The following ZNF311 variants were observed in gnomAD, a reference collection of about 807,000 sequenced individuals.
The protein encoded by ZNF311 is zinc finger protein zfp31.
In ZNF311, 14 loss-of-function variants were observed where a neutral mutation model predicts 22.7. The observed-to-expected ratio is 0.62, with a 90% CI of 0.41 to 0.96. The LOEUF is 0.96. ZNF311 is among the 40% of genes least tolerant of loss of function. The pLI, the probability that ZNF311 is intolerant of heterozygous loss-of-function variation, is 0.00. For missense variants in ZNF311, 731 were observed against 799.0 expected (o/e 0.91, Z 1.03); for synonymous variants, 250 against 275.3 (o/e 0.91, Z 0.91).
chr6:29,004,317 CA>C, intron 1 of ZNF311, 103 bp from the exon 2 acceptor site: 1 of 751,574 alleles, frequency 1.3e-6, no homozygotes, highest in Non-Finnish European at 1.8e-6. Context: ...TGAACATATC[CA>C]GAATACAATC....
At chr6:28,996,921 T>C (rs1779686063) in intron 6 of ZNF311, among the ~76,000 whole-genome samples, 1 of 152,224 alleles carries the variant, frequency 6.6e-6, no homozygotes, top group Admixed American at 6.5e-5. Flanking sequence ...TTACAAATTC[T>C]ACCTGTGAAG....
intron 5 of ZNF311, 94 bp from the exon 6 acceptor site, chr6:28,998,932 A>C: frequency 2.6e-6 from 2 of 765,630 alleles, no homozygotes; most frequent in Non-Finnish European, 4.1e-6. Flanking sequence ...TTTGTATATG[A>C]AAACAGGAAA....
chr6:28,999,651 C>T (rs1554212453), intron 4 of ZNF311, 38 bp from the exon 5 acceptor site: 3 of 1,594,882 alleles, frequency 1.9e-6, no homozygotes, highest in Admixed American at 1.8e-5. Context: ...GAGAAAACGC[C>T]ATAGTTTCCT....
chr6:28,994,978 A>G lies in ZNF311; in HGVS notation c.*23T>C. On this transcript the variant is annotated 3_prime_UTR_variant, in exon 7 of 7. Coordinates refer to ENST00000377179, the MANE Select transcript of ZNF311 (RefSeq NM_001382360.1). ...CAGCCTAAGAGGTAGGAAAAACAGA[A>G]AGTAACACCAGAATCGTTATACTCA... 6.4e-7 allele frequency: 1 copy of G among 1,557,716 alleles called. No individual in the cohort carries two copies. The highest frequency in any genetic ancestry group is 1.2e-5 in the South Asian group (1 of 81,786).
Position 28,995,630 on chromosome 6 carries a change from G to C in ZNF311, c.1372C>G (p.Leu458Val). The change falls in exon 7 of 7, where the codon CTC becomes GTC. Residue 458 changes from leucine to valine, a missense_variant. Leu to Val is a conservative substitution (Grantham distance 32). Coordinates refer to ENST00000377179, the MANE Select transcript of ZNF311 (RefSeq NM_001382360.1). This position sits in a 1 kb window ranked among gnomAD's most constrained non-coding sequence, Gnocchi z 4.7. Reference protein sequence around the residue: ...CGKDFSIKAELTKHRRIHTEE... With the variant: ...CGKDFSIKAEVTKHRRIHTEE... Reference sequence around the variant, plus strand: ...GTGTGGATCCTTCTGTGTTTGGTGAGTTCTGCCTTGATGCTGAAGTCTTTT... The same window carrying C: ...GTGTGGATCCTTCTGTGTTTGGTGACTTCTGCCTTGATGCTGAAGTCTTTT... The C allele has an allele frequency of 6.2e-7, 1 of 1,613,416 alleles. No individual in the cohort carries two copies. The highest frequency in any genetic ancestry group is 8.5e-7 in the Non-Finnish European group (1 of 1,180,004).
chr6:29,003,857 A>T, intron 2 of ZNF311, 89 bp downstream of exon 2: 1 of 1,612,108 alleles, frequency 6.2e-7, no homozygotes, highest in East Asian at 2.2e-5. Flanking sequence ...AGAGTCAGAC[A>T]CACCTCCACT....
rs777502484 is a variant in ZNF311, at chr6:29,003,594, C to T, written c.10G>A (p.Val4Ile). 2 of 1,612,868 alleles carry T rather than the reference C, an allele frequency of 1.2e-6. No homozygotes were observed. Among genetic ancestry groups the T allele is most frequent in the African/African-American group, 2.7e-5 (2 of 74,894 alleles). The change falls in exon 3 of 7, where the codon GTT becomes ATT. Residue 4 changes from valine to isoleucine, a missense_variant and splice_region_variant. Coordinates refer to ENST00000377179, the MANE Select transcript of ZNF311 (RefSeq NM_001382360.1). MQEVVLLDESSGPP... is the reference protein window; with the variant it reads MQEIVLLDESSGPP... ...CCTGAACTCTCATCCAACAGCACAA[C>T]CTATTGCAAGACACAGAATGAATTC...
chr6:28,997,153 A>C (rs1779721991), intron 6 of ZNF311, among the ~76,000 whole-genome samples: 1 of 152,236 alleles, frequency 6.6e-6, no homozygotes. Context: ...GCCAGCTCTA[A>C]GAGTAGCTCA....
In ZNF311 at chr6:28,996,961, A is replaced by G. The variant is rs375580929; in HGVS notation, c.416-375T>C. Among the ~76,000 whole-genome samples, 7 of 152,302 alleles carry G rather than the reference A, an allele frequency of 4.6e-5. No homozygotes were observed. In the East Asian group the frequency reaches 1.2e-3, roughly 25 times the overall value. On this transcript the variant is annotated intron_variant, in intron 6 of 6. Transcript: ENST00000377179. ...TTACAGAGGAGGTGCTGAAATGCTG[A>G]TGCAGTCCCTTTTCAAGGAACTGTC...
Position 28,995,591 on chromosome 6 carries a change from A to T in ZNF311, c.1411T>A (p.Tyr471Asn). Residue 471 changes from tyrosine to asparagine, a missense_variant, in exon 7 of 7, where the codon TAC (tyrosine) becomes AAC (asparagine). Transcript: ENST00000377179. The surrounding 1 kb of genome is among the most constrained non-coding windows in gnomAD (Gnocchi z 4.7). ...GCTTTCCCACACTCCTCACACCTGTAACGTTTCTCTTCAGTGTGGATCCTT... is the reference window on the plus strand; with the variant it reads ...GCTTTCCCACACTCCTCACACCTGTTACGTTTCTCTTCAGTGTGGATCCTT... ...HRRIHTEEKRYRCEECGKAFR... is the reference protein window; with the variant it reads ...HRRIHTEEKRNRCEECGKAFR... The T allele has an allele frequency of 1.2e-6, 2 of 1,613,504 alleles. No individual in the cohort carries two copies. The highest frequency in any genetic ancestry group is 1.7e-6 in the Non-Finnish European group (2 of 1,179,974).
Position 28,995,373 on chromosome 6 carries a change from G to C in ZNF311, c.1629C>G (p.Thr543=). The change falls in exon 7 of 7, where the codon ACC becomes ACG. Residue 543 remains threonine, a synonymous_variant. Coordinates refer to ENST00000377179, the MANE Select transcript of ZNF311 (RefSeq NM_001382360.1). This position sits in a 1 kb window ranked among gnomAD's most constrained non-coding sequence, Gnocchi z 4.7. ...CTCCAGTGTGAATTCTTCGATGATT[G>C]GTCAAGTTTGACTTCCCACTGAAAG... ...GKAFSGKSNL[T]NHRRIHTGEK... 1 of 1,614,044 alleles carries C rather than the reference G, an allele frequency of 6.2e-7. No individual in the cohort carries two copies. Among genetic ancestry groups the C allele is most frequent in the African/African-American group, 1.3e-5 (1 of 75,026 alleles).
Position 29,004,021 on chromosome 6 carries a change from A to G in ZNF311, c.-67T>C, listed in dbSNP as rs1399071225. 3 of 1,612,778 alleles carry G rather than the reference A, an allele frequency of 1.9e-6. No homozygotes were observed. The highest frequency in any genetic ancestry group is 8.5e-7 in the Non-Finnish European group (1 of 1,179,904). On this transcript the variant is annotated 5_prime_UTR_variant, in exon 2 of 7. Transcript: ENST00000377179. ...TGGTTTCTTCCTACTGGTCAGATCCAGTTCTCAAACAAGCTGTGAAGTGGC... is the reference window on the plus strand; with the variant it reads ...TGGTTTCTTCCTACTGGTCAGATCCGGTTCTCAAACAAGCTGTGAAGTGGC...
intron 6 of ZNF311, among the ~76,000 whole-genome samples, chr6:28,996,858 C>T (rs1210742001): frequency 6.6e-6 from 1 of 152,236 alleles, no homozygotes. Flanking sequence ...ATCTAAGCCA[C>T]AAAACAAAAT....
rs1227903828 is a variant in ZNF311, at chr6:29,003,967, G to T, written c.-13C>A. 4 of 1,612,670 alleles carry T rather than the reference G, an allele frequency of 2.5e-6. No individual in the cohort carries two copies. Among genetic ancestry groups the T allele is most frequent in the Non-Finnish European group, 3.4e-6 (4 of 1,179,882 alleles). On this transcript the variant is annotated 5_prime_UTR_variant, in exon 2 of 7. Coordinates refer to ENST00000377179, the MANE Select transcript of ZNF311 (RefSeq NM_001382360.1). ...TTACCTCCTGCATCTTTTTACTCAG[G>T]TTTCTTTAACAGTCTTCCACTGCTG...
intron 6 of ZNF311, among the ~76,000 whole-genome samples, chr6:28,997,263 A>G (rs1275510743): frequency 6.6e-6 from 1 of 152,180 alleles, no homozygotes; most frequent in Non-Finnish European, 1.5e-5. Flanking sequence ...GAGAAGGTCA[A>G]TTTGCCTAGA....
In ZNF311 at chr6:29,003,373, T is replaced by A. The variant is rs1001584159; in HGVS notation, c.91+140A>T. The A allele has an allele frequency of 4.2e-6, 3 of 716,992 alleles. No homozygotes were observed. In the African/African-American group the frequency reaches 5.3e-5, roughly 13 times the overall value. The allele number at this position is 716,992 out of a possible 1,614,324, so 44.4% of individuals were successfully genotyped here. A position where few individuals can be genotyped will look rare whatever the true frequency, so the allele number is the denominator to read the frequency against. On this transcript the variant is annotated intron_variant, in intron 3 of 6. Coordinates refer to ENST00000377179, the MANE Select transcript of ZNF311 (RefSeq NM_001382360.1). ...TCTAGATATTGATCCAAGCCTCGTATAGAAACAAAATAAGACTTTCTATAA... is the reference window on the plus strand; with the variant it reads ...TCTAGATATTGATCCAAGCCTCGTAAAGAAACAAAATAAGACTTTCTATAA...
Position 28,996,332 on chromosome 6 carries a change from G to C in ZNF311, c.670C>G (p.Leu224Val), listed in dbSNP as rs1779582341. 1.2e-6 allele frequency: 2 copies of C among 1,612,604 alleles called. No homozygotes were observed. Among genetic ancestry groups the C allele is most frequent in the South Asian group, 1.1e-5 (1 of 91,084 alleles). ...GAGTTTGGATTCAAGTTTTTACTAA[G>C]CACTTTCTGGTTCTTTCCTTTTTTG... ...TCKKGKNQKV[L>V]SKNLNPNSKH... The change falls in exon 7 of 7, where the codon CTT becomes GTT. Residue 224 changes from leucine (L) to valine (V), a missense_variant. By Grantham distance (32) the Leu-to-Val change is conservative (BLOSUM62 1). Transcript: ENST00000377179.
intron 6 of ZNF311, among the ~76,000 whole-genome samples, chr6:28,998,419 C>T (rs572350736): frequency 2.6e-5 from 4 of 152,094 alleles, no homozygotes; most frequent in South Asian, 4.2e-4. Context: ...CTCAAACTCC[C>T]GACCTCAGGT....
chr6:28,995,516 C>T lies in ZNF311; in HGVS notation c.1486G>A (p.Glu496Lys), dbSNP rs1779368706. ...RRAHEREHTG[E>K]KPYQCRDCGK... ...CAATCCCTGCATTGATAGGGCTTCTCCCCTGTATGCTCTCGTTCATGAGCC... is the reference window on the plus strand; with the variant it reads ...CAATCCCTGCATTGATAGGGCTTCTTCCCTGTATGCTCTCGTTCATGAGCC... The change falls in exon 7 of 7, where the codon GAG becomes AAG. Residue 496 changes from glutamate (E) to lysine (K), a missense_variant. Physicochemically the swap from Glu to Lys is moderately conservative, Grantham distance 56. Transcript: ENST00000377179. The surrounding 1 kb of genome is among the most constrained non-coding windows in gnomAD (Gnocchi z 4.7). 1 of 1,613,842 alleles carries T rather than the reference C, an allele frequency of 6.2e-7. No individual in the cohort carries two copies. The highest frequency in any genetic ancestry group is 1.3e-5 in the African/African-American group (1 of 74,960).
Sources: gnomAD v4.1 joint callset for allele counts (sites outside exome capture counted in the v4.1 genomes callset) on GRCh38, gnomAD v4.1.1 for gene constraint, Gnocchi (gnomAD v3.1) non-coding constraint, MANE v1.5 for transcripts, NCBI Gene and HGNC (gene_info 2026-07-23, HGNC 2026-07-21) for gene names.